The following CHRM4 variants were observed in gnomAD, a reference collection of about 807,000 sequenced individuals.
CHRM4 encodes the protein muscarinic acetylcholine receptor M4.
CHRM4 carries 5 observed loss-of-function variants against 26.3 expected under a neutral mutation model. The observed-to-expected ratio is 0.19, with a 90% CI of 0.10 to 0.40. The LOEUF is 0.40. CHRM4 is among the 10% of genes least tolerant of loss of function. The probability of loss-of-function intolerance (pLI) is 1.00; values close to 1 mark genes in which losing one functional copy is unlikely to be tolerated. For missense variants in CHRM4, 402 were observed against 664.5 expected (o/e 0.60, Z 4.34); for synonymous variants, 290 against 285.3 (o/e 1.02, Z -0.16).
At chr11:46,389,468 A>G (rs1311715160) in intron 1 of CHRM4, among the ~76,000 whole-genome samples, 2 of 152,172 alleles carry the variant, frequency 1.3e-5, no homozygotes, top group Non-Finnish European at 2.9e-5. Flanking sequence ...CCTCGGGGTC[A>G]CCCGCAGACA....
Position 46,386,241 on chromosome 11 carries a change from T to C in CHRM4, c.317A>G (p.Asp106Gly), listed in dbSNP as rs1474008642. The stretch of plus-strand genomic sequence containing the variant: ...CACGTAGTCCAGGGCCAGCCACAGG[T>C]CGCAGACCACGGCGCCCAGGGGCCA... ...GYWPLGAVVC[D>G]LWLALDYVVS... Residue 106 changes from aspartate to glycine, a missense_variant, in exon 2 of 2, where the codon GAC becomes GGC. Around this residue, in one of 5 missense-constraint regions of CHRM4, gnomAD observed 48 missense variants for 129.1 expected, o/e 0.37. Coordinates refer to ENST00000682254, the MANE Select transcript of CHRM4 (RefSeq NM_000741.5). This position sits in a 1 kb window ranked among gnomAD's most constrained non-coding sequence, Gnocchi z 5.8. 1.2e-6 allele frequency: 2 copies of C among 1,613,600 alleles called. No homozygotes were observed. The highest frequency in any genetic ancestry group is 2.7e-5 in the African/African-American group (2 of 74,854).
Position 46,385,456 on chromosome 11 carries a change from G to C in CHRM4, c.1102C>G (p.Arg368Gly). Residue 368 changes from arginine to glycine, a missense_variant, in exon 2 of 2, where the codon CGC becomes GGC. By Grantham distance (125) the Arg-to-Gly change is moderately radical (BLOSUM62 -2). Transcript: ENST00000682254. This position sits in a 1 kb window ranked among gnomAD's most constrained non-coding sequence, Gnocchi z 6.3. ...EIVPATPAGM[R>G]PAANVARKFA... ...TTGCGGGCCACGTTGGCCGCAGGGCGCATGCCAGCCGGCGTGGCAGGCACA... is the reference window on the plus strand; with the variant it reads ...TTGCGGGCCACGTTGGCCGCAGGGCCCATGCCAGCCGGCGTGGCAGGCACA... The C allele has an allele frequency of 2.5e-6, 4 of 1,602,930 alleles. No homozygotes were observed. The highest frequency in any genetic ancestry group is 2.6e-6 in the Non-Finnish European group (3 of 1,171,086).
At position 46,385,414 on chromosome 11, in the gene CHRM4, G is replaced by A. The variant is rs373404528; in HGVS notation, c.1144C>T (p.Arg382Cys). ...TGCCGCTTCTTGCGCACCTGGTTGC[G>A]AGCGATGCTGGCGAACTTGCGGGCC... The part of the protein sequence containing the change: ...NVARKFASIA[R>C]NQVRKKRQMA... Residue 382 changes from arginine to cysteine, a missense_variant, in exon 2 of 2, where the codon CGC becomes TGC. Around this residue, in one of 5 missense-constraint regions of CHRM4, gnomAD observed 205 missense variants for 244.0 expected, o/e 0.84. Transcript: ENST00000682254. This position sits in a 1 kb window ranked among gnomAD's most constrained non-coding sequence, Gnocchi z 6.3. The A allele has an allele frequency of 7.5e-6, 12 of 1,609,896 alleles. No individual in the cohort carries two copies. The highest frequency in any genetic ancestry group is 2.2e-5 in the East Asian group (1 of 44,752).
chr11:46,386,286 A>G lies in CHRM4; in HGVS notation c.272T>C (p.Val91Ala), dbSNP rs777815412. 1 of 1,613,912 alleles carries G rather than the reference A, an allele frequency of 6.2e-7. No individual in the cohort carries two copies. Among genetic ancestry groups the G allele is most frequent in the Non-Finnish European group, 8.5e-7 (1 of 1,179,886 alleles). Residue 91 changes from valine (V) to alanine (A), a missense_variant, in exon 2 of 2, where the codon GTG becomes GCG. Coordinates refer to ENST00000682254, the MANE Select transcript of CHRM4 (RefSeq NM_000741.5). This position sits in a 1 kb window ranked among gnomAD's most constrained non-coding sequence, Gnocchi z 5.8. ...GGGCCAGTAGCCCTTGATGATGTAC[A>G]CGGTGTAGAGGTTCATGGAGAAGGC... The part of the protein sequence containing the change: ...IGAFSMNLYT[V>A]YIIKGYWPLG...
chr11:46,388,052 C>T lies in CHRM4; in HGVS notation c.-29-1466G>A, dbSNP rs562281135. ...CCTCTTAGCTCTCCTCCCCCTCTTC[C>T]TCTTCCCTCCATGTGAGGGAGGCCC... On this transcript the variant is annotated intron_variant, in intron 1 of 1. Transcript: ENST00000682254. Among the ~76,000 whole-genome samples the T allele has an allele frequency of 2.0e-5, 3 of 152,320 alleles. No individual in the cohort carries two copies. The East Asian group carries it at 5.8e-4, about 29-fold the overall frequency.
At chr11:46,387,495 A>G (rs1203005336) in intron 1 of CHRM4, among the ~76,000 whole-genome samples, 1 of 152,104 alleles carries the variant, frequency 6.6e-6, no homozygotes, top group Non-Finnish European at 1.5e-5. Flanking sequence ...TTTTTTCTCT[A>G]CTACTTACAG....
In CHRM4 at chr11:46,385,520, C is replaced by T. The variant is rs748971008; in HGVS notation, c.1038G>A (p.Thr346=). ...ASRWSKIQIV[T]KQTGNECVTA... ...TCACACACTCATTGCCTGTCTGCTT[C>T]GTCACAATCTGGATCTTGGACCATC... The change falls in exon 2 of 2, where the codon ACG becomes ACA. Residue 346 remains threonine (T), a synonymous_variant. Coordinates refer to ENST00000682254, the MANE Select transcript of CHRM4 (RefSeq NM_000741.5). This position sits in a 1 kb window ranked among gnomAD's most constrained non-coding sequence, Gnocchi z 6.3. 2.0e-5 allele frequency: 32 copies of T among 1,584,732 alleles called. 1 individual carries two copies. Among genetic ancestry groups the T allele is most frequent in the Middle Eastern group, 3.4e-4 (2 of 5,950 alleles).
chr11:46,386,507 G>T lies in CHRM4; in HGVS notation c.51C>A (p.Arg17=). The T allele has an allele frequency of 6.2e-7, 1 of 1,613,216 alleles. No individual in the cohort carries two copies. The highest frequency in any genetic ancestry group is 1.6e-4 in the Middle Eastern group (1 of 6,062). ...GATTGTGGGATGATGACGTGACCAGGCGCACGGACTGATTGCCCGAGCTGC... is the reference window on the plus strand; with the variant it reads ...GATTGTGGGATGATGACGTGACCAGTCGCACGGACTGATTGCCCGAGCTGC... ...VNGSSGNQSV[R]LVTSSSHNRY... Residue 17 remains arginine, a synonymous_variant, in exon 2 of 2, where the codon CGC becomes CGA. Coordinates refer to ENST00000682254, the MANE Select transcript of CHRM4 (RefSeq NM_000741.5). The surrounding 1 kb of genome is among the most constrained non-coding windows in gnomAD (Gnocchi z 5.8).
chr11:46,384,936 G>T lies in CHRM4; in HGVS notation c.*182C>A. 1.8e-6 allele frequency: 1 copy of T among 567,038 alleles called. No individual in the cohort carries two copies. The highest frequency in any genetic ancestry group is 2.2e-6 in the Non-Finnish European group (1 of 447,786). The allele number at this position is 567,038 out of a possible 1,614,324, so 35.1% of individuals were successfully genotyped here. ...CCAGTTCAGACACTCCCTGGGGTGA[G>T]CCTCCTCAGCCTGAGCAGAGATCTG... On this transcript the variant is annotated 3_prime_UTR_variant, in exon 2 of 2. Coordinates refer to ENST00000682254, the MANE Select transcript of CHRM4 (RefSeq NM_000741.5).
chr11:46,387,963 G>C (rs923368731), intron 1 of CHRM4, among the ~76,000 whole-genome samples: 1 of 152,210 alleles, frequency 6.6e-6, no homozygotes, highest in African/African-American at 2.4e-5. Context: ...CACACCGGGC[G>C]GCGCCCTAGC....
chr11:46,390,147 G>C (rs1460187941), intron 1 of CHRM4, among the ~76,000 whole-genome samples: 1 of 152,162 alleles, frequency 6.6e-6, no homozygotes, highest in East Asian at 1.9e-4. Flanking sequence ...GACCTTAGCT[G>C]TCCGCCTGAG....
In CHRM4 at chr11:46,391,590, C is replaced by A. The variant is rs1221364357; in HGVS notation, c.-89G>T. 6.6e-6 allele frequency among the ~76,000 whole-genome samples: 1 copy of A among 151,866 alleles called. No homozygotes were observed. Among genetic ancestry groups the A allele is most frequent in the Non-Finnish European group, 1.5e-5 (1 of 67,900 alleles). ...TTCCTGCTCTTCCCGGCGAGCCCCC[C>A]GCCCCCGCGCCGCCGCGGAGCCACT... On this transcript the variant is annotated 5_prime_UTR_variant, in exon 1 of 2. Transcript: ENST00000682254. The surrounding 1 kb of genome is among the most constrained non-coding windows in gnomAD (Gnocchi z 6.3).
At position 46,384,548 on chromosome 11, in the gene CHRM4, C is replaced by CG. The variant is rs779213887; in HGVS notation, c.*569dup. Reference sequence around the variant, plus strand: ...TGTGACAAGGGCAGTGCTGCTGGGGCGGGGGGGACCTGGCCTCCATCATAC... The same window carrying CG: ...TGTGACAAGGGCAGTGCTGCTGGGGCGGGGGGGGACCTGGCCTCCATCATAC... On this transcript the variant is annotated 3_prime_UTR_variant, in exon 2 of 2. Coordinates refer to ENST00000682254, the MANE Select transcript of CHRM4 (RefSeq NM_000741.5). Among the ~76,000 whole-genome samples, 11 of 152,132 alleles carry CG rather than the reference C, an allele frequency of 7.2e-5. No individual in the cohort carries two copies. The highest frequency in any genetic ancestry group is 1.3e-4 in the Admixed American group (2 of 15,284).
At position 46,384,315 on chromosome 11, in the gene CHRM4, T is replaced by G. The variant is rs1435527608; in HGVS notation, c.*803A>C. On this transcript the variant is annotated 3_prime_UTR_variant, in exon 2 of 2. Coordinates refer to ENST00000682254, the MANE Select transcript of CHRM4 (RefSeq NM_000741.5). ...CCTCCACCCTGCAGAAGCCAGGGGG[T>G]GAGAGGTTTGAAGAGGGCAGATGGG... Among the ~76,000 whole-genome samples the G allele has an allele frequency of 2.0e-5, 3 of 151,928 alleles. No individual in the cohort carries two copies. The highest frequency in any genetic ancestry group is 4.4e-5 in the Non-Finnish European group (3 of 68,004).
chr11:46,391,139 G>T lies in CHRM4; in HGVS notation c.-30+392C>A, dbSNP rs920197982. 2.6e-5 allele frequency among the ~76,000 whole-genome samples: 4 copies of T among 151,854 alleles called. No homozygotes were observed. Among genetic ancestry groups the T allele is most frequent in the African/African-American group, 4.8e-5 (2 of 41,340 alleles). On this transcript the variant is annotated intron_variant, in intron 1 of 1. Coordinates refer to ENST00000682254, the MANE Select transcript of CHRM4 (RefSeq NM_000741.5). The surrounding 1 kb of genome is among the most constrained non-coding windows in gnomAD (Gnocchi z 6.3). ...AGGGGTGTTTTCCGTCGGGGCTCAAGGTCGTAGATGGAGGACTCCAGGGGC... is the reference window on the plus strand; with the variant it reads ...AGGGGTGTTTTCCGTCGGGGCTCAATGTCGTAGATGGAGGACTCCAGGGGC...
rs1199265007 is a variant in CHRM4 at position 46,391,585 on chromosome 11, C to A, written c.-84G>T. Reference sequence around the variant, plus strand: ...CCTGCTTCCTGCTCTTCCCGGCGAGCCCCCCGCCCCCGCGCCGCCGCGGAG... The same window carrying A: ...CCTGCTTCCTGCTCTTCCCGGCGAGACCCCCGCCCCCGCGCCGCCGCGGAG... On this transcript the variant is annotated 5_prime_UTR_variant, in exon 1 of 2. Transcript: ENST00000682254. This position sits in a 1 kb window ranked among gnomAD's most constrained non-coding sequence, Gnocchi z 6.3. 1.3e-5 allele frequency among the ~76,000 whole-genome samples: 2 copies of A among 151,714 alleles called. No individual in the cohort carries two copies. The highest frequency in any genetic ancestry group is 3.9e-4 in the East Asian group (2 of 5,118).
chr11:46,390,829 G>A (rs886192550), intron 1 of CHRM4, among the ~76,000 whole-genome samples: 1 of 152,390 alleles, frequency 6.6e-6, no homozygotes, highest in African/African-American at 2.4e-5. Flanking sequence ...CGAGACCGGA[G>A]GGGGTGCTCC....
intron 1 of CHRM4, among the ~76,000 whole-genome samples, chr11:46,387,513 A>G (rs1235468408): frequency 1.3e-5 from 2 of 152,210 alleles, no homozygotes; most frequent in Non-Finnish European, 1.5e-5. Flanking sequence ...CAGATGGGGA[A>G]ACTGAGGCAC....
At chr11:46,387,351 G>A (rs1413351929) in intron 1 of CHRM4, among the ~76,000 whole-genome samples, 2 of 152,162 alleles carry the variant, frequency 1.3e-5, no homozygotes, top group African/African-American at 4.8e-5. Context: ...GTCCAGGCTG[G>A]TCTAGAACTC....
Sources: gnomAD v4.1 joint callset for allele counts (sites outside exome capture counted in the v4.1 genomes callset) on GRCh38, gnomAD v4.1.1 for gene constraint, gnomAD v4.1.1 regional missense constraint, Gnocchi (gnomAD v3.1) non-coding constraint, MANE v1.5 for transcripts, NCBI Gene and HGNC (gene_info 2026-07-23, HGNC 2026-07-21) for gene names.